GPR158: variants seen among roughly 807,000 people sequenced by gnomAD.
The protein encoded by GPR158 is metabotropic glycine receptor.
GPR158 carries 30 observed loss-of-function variants against 78.2 expected under a neutral mutation model. That is an observed-to-expected ratio of 0.38 (90% CI 0.29 to 0.52). The LOEUF (loss-of-function observed/expected upper bound fraction) is 0.52. Among genes scored for constraint, GPR158 ranks in the 20% least tolerant of loss-of-function variants. The pLI is 0.83. For missense variants in GPR158, 1,463 were observed against 1,523.5 expected, an observed-to-expected ratio of 0.96 and a Z score of 0.66; for synonymous variants, 581 against 591.1, an observed-to-expected ratio of 0.98 and a Z score of 0.25.
intron 2 of GPR158, among the ~76,000 whole-genome samples, chr10:25,373,858 T>C (rs1381105559): frequency 6.6e-6 from 1 of 151,804 alleles, no homozygotes; most frequent in East Asian, 1.9e-4. Context: ...TATATTCAAA[T>C]TTTATAAATC....
chr10:25,419,917 T>C lies in GPR158; in HGVS notation c.1335+7444T>C, dbSNP rs75953125. Among the ~76,000 whole-genome samples the C allele has an allele frequency of 4.1e-3, 626 of 152,306 alleles. 20 individuals are homozygous for C. The highest frequency in any genetic ancestry group is 0.036 in the Admixed American group (548 of 15,286). On this transcript the variant is annotated intron_variant, in intron 4 of 10. Coordinates refer to ENST00000376351, the MANE Select transcript of GPR158 (RefSeq NM_020752.3). ...TGACTTTGGACAAATGTATAATGCA[T>C]TTATCCATGATTATATTATCATGCA...
intron 7 of GPR158, among the ~76,000 whole-genome samples, chr10:25,583,968 CTT>C (rs1287378331): frequency 6.6e-6 from 1 of 152,098 alleles, no homozygotes; most frequent in African/African-American, 2.4e-5. Flanking sequence ...TGTCAAAGAA[CTT>C]ATACTAATTT....
At chr10:25,520,725 G>A (rs1413708309) in intron 5 of GPR158, among the ~76,000 whole-genome samples, 1 of 152,140 alleles carries the variant, frequency 6.6e-6, no homozygotes, top group Non-Finnish European at 1.5e-5. Flanking sequence ...GAGGCAGTCT[G>A]CCCGTTCTCA....
At chr10:25,571,300 A>G (rs1837004753) in intron 6 of GPR158, among the ~76,000 whole-genome samples, 1 of 152,180 alleles carries the variant, frequency 6.6e-6, no homozygotes, top group East Asian at 1.9e-4. Flanking sequence ...TAATTAAATA[A>G]CTTTTCCCTC....
chr10:25,179,672 A>C (rs915764088), intron 1 of GPR158, among the ~76,000 whole-genome samples: 2 of 152,148 alleles, frequency 1.3e-5, no homozygotes, highest in Non-Finnish European at 2.9e-5. Flanking sequence ...CATAATACAC[A>C]TATGGGAAGA....
intron 2 of GPR158, among the ~76,000 whole-genome samples, chr10:25,320,897 C>G (rs1854938438): frequency 6.6e-6 from 1 of 151,974 alleles, no homozygotes; most frequent in African/African-American, 2.4e-5. Flanking sequence ...TCTAATTTTC[C>G]CTTAATGTAT....
rs183641619 is a variant in GPR158 at position 25,576,311 on chromosome 10, T to C, written c.1753+3424T>C. ...ACGATGTACGGGATTCGGTTTTTCA[T>C]TCCTGAATTATGAAGAACTCCTTTC... On this transcript the variant is annotated intron_variant, in intron 7 of 10. Coordinates refer to ENST00000376351, the MANE Select transcript of GPR158 (RefSeq NM_020752.3). 4.6e-5 allele frequency among the ~76,000 whole-genome samples: 7 copies of C among 152,314 alleles called. No homozygotes were observed. In the East Asian group the frequency reaches 1.4e-3, roughly 29 times the overall value.
chr10:25,368,704 G>C (rs2130545149), intron 2 of GPR158, among the ~76,000 whole-genome samples: 1 of 151,912 alleles, frequency 6.6e-6, no homozygotes, highest in East Asian at 1.9e-4. Flanking sequence ...AAACAATTCT[G>C]TGAAGAAAGT....
At chr10:25,190,819 C>T (rs1390280896) in intron 1 of GPR158, among the ~76,000 whole-genome samples, 1 of 152,126 alleles carries the variant, frequency 6.6e-6, no homozygotes, top group Non-Finnish European at 1.5e-5. Context: ...TGAAGAGTGA[C>T]CAATTCTTTA....
At chr10:25,435,442 TA>T (rs1834986252) in intron 4 of GPR158, among the ~76,000 whole-genome samples, 1 of 151,916 alleles carries the variant, frequency 6.6e-6, no homozygotes, top group African/African-American at 2.4e-5. Context: ...GGGGGAAGAA[TA>T]GGGGTAGAAA....
intron 4 of GPR158, among the ~76,000 whole-genome samples, chr10:25,446,684 A>G (rs1286262058): frequency 1.3e-5 from 2 of 152,216 alleles, no homozygotes; most frequent in South Asian, 2.1e-4. Context: ...TCATGCTCAA[A>G]TCAAGTTCTA....
At position 25,474,314 on chromosome 10, in the gene GPR158, C is replaced by T. The variant is rs112887812; in HGVS notation, c.1404+7595C>T. ...ATGTTGTTTAAAGCCACTAAGTTTA[C>T]GACACTATTTATAGTGGCTATAGGA... On this transcript the variant is annotated intron_variant, in intron 5 of 10. Transcript: ENST00000376351. 2.3e-3 allele frequency among the ~76,000 whole-genome samples: 344 copies of T among 152,154 alleles called. 3 individuals carry two copies. The highest frequency in any genetic ancestry group is 7.9e-3 in the African/African-American group (328 of 41,536).
At chr10:25,388,946 G>A (rs1348324880) in intron 2 of GPR158, among the ~76,000 whole-genome samples, 1 of 152,314 alleles carries the variant, frequency 6.6e-6, no homozygotes, top group South Asian at 2.1e-4. Flanking sequence ...TGCTTGCTTG[G>A]GACAGTGCTG....
chr10:25,235,207 C>G (rs191444354), intron 2 of GPR158, among the ~76,000 whole-genome samples: 36 of 152,262 alleles, frequency 2.4e-4, no homozygotes, highest in Non-Finnish European at 4.7e-4. Flanking sequence ...GCTTGGTAGT[C>G]TGGTCTTTTT....
intron 1 of GPR158, among the ~76,000 whole-genome samples, chr10:25,204,237 C>T (rs1004946643): frequency 6.6e-6 from 1 of 152,120 alleles, no homozygotes. Flanking sequence ...TAATTGAATA[C>T]CCTTTATTTC....
intron 2 of GPR158, among the ~76,000 whole-genome samples, chr10:25,317,708 C>T (rs1198028448): frequency 3.5e-5 from 5 of 140,900 alleles, no homozygotes; most frequent in Admixed American, 3.5e-4. Flanking sequence ...CTGTTTTCTT[C>T]GTAAAGTGTT....
chr10:25,576,295 G>A (rs556376701), intron 7 of GPR158, among the ~76,000 whole-genome samples: 9 of 152,120 alleles, frequency 5.9e-5, no homozygotes, highest in South Asian at 2.1e-4. Flanking sequence ...GACGATGTAC[G>A]GGATTCGGTT....
intron 6 of GPR158, among the ~76,000 whole-genome samples, chr10:25,552,079 GA>G (rs1338560886): frequency 2.6e-5 from 4 of 151,604 alleles, no homozygotes; most frequent in South Asian, 4.2e-4. Context: ...ATCTTTTTGG[GA>G]AAAAAAAGTG....
At chr10:25,338,469 T>TTATACGTATAA (rs1167138405) in intron 2 of GPR158, among the ~76,000 whole-genome samples, 2 of 136,622 alleles carry the variant, frequency 1.5e-5, no homozygotes, top group Non-Finnish European at 3.1e-5. Context: ...ATTACGTATA[T>TTATACGTATAA]TATACGTATA....
Sources: allele counts gnomAD v4.1 joint callset (sites outside exome capture counted in the v4.1 genomes callset), GRCh38; gene constraint gnomAD v4.1.1; transcripts MANE v1.5; gene names NCBI Gene and HGNC (gene_info 2026-07-23, HGNC 2026-07-21).